Variants in SEMA3A observed in about 807,000 individuals in gnomAD.
SEMA3A encodes semaphorin-3A.
A neutral mutation model predicts 97.9 loss-of-function variants in SEMA3A; 29 were observed. The observed-to-expected ratio is 0.30, with a 90% CI of 0.22 to 0.40. The LOEUF (loss-of-function observed/expected upper bound fraction) is 0.40. SEMA3A is among the 10% of genes least tolerant of loss of function. SEMA3A has a pLI of 1.00. For synonymous variants in SEMA3A, 321 were observed against 323.7 expected (o/e 0.99, Z 0.09); for missense variants, 763 against 951.3 (o/e 0.80, Z 2.60).
At chr7:83,987,391 T>C (rs1485678872) in intron 12 of SEMA3A, among the ~76,000 whole-genome samples, 2 of 152,194 alleles carry the variant, frequency 1.3e-5, no homozygotes, top group Non-Finnish European at 2.9e-5. Context: ...CCATTCCTCA[T>C]TGGATGCTCT....
chr7:84,004,998 G>T lies in SEMA3A; in HGVS notation c.1360+341C>A, dbSNP rs568064806. 3.8e-3 allele frequency among the ~76,000 whole-genome samples: 581 copies of T among 152,144 alleles called. 2 individuals are homozygous for T. Among genetic ancestry groups the T allele is most frequent in the Middle Eastern group, 0.01 (3 of 294 alleles). ...GTAGCCTACTCAACAGGAAGACAAG[G>T]GTGATCCAGTTCCACTTAATGAACA... On this transcript the variant is annotated intron_variant, in intron 11 of 16. Transcript: ENST00000265362.
At chr7:84,420,720 G>C (rs1804566650) in intron 1 of SEMA3A, among the ~76,000 whole-genome samples, 1 of 152,044 alleles carries the variant, frequency 6.6e-6, no homozygotes, top group South Asian at 2.1e-4. Context: ...AGTCTTGGGA[G>C]GGTGTATGTG....
At chr7:84,311,063 A>T (rs1244373337) in intron 2 of SEMA3A, among the ~76,000 whole-genome samples, 1 of 151,716 alleles carries the variant, frequency 6.6e-6, no homozygotes, top group African/African-American at 2.4e-5. Flanking sequence ...ATGTACACTA[A>T]AATCATGCAA....
chr7:84,020,226 G>A (rs1791278432), intron 6 of SEMA3A, among the ~76,000 whole-genome samples: 1 of 150,972 alleles, frequency 6.6e-6, no homozygotes, highest in Admixed American at 6.6e-5. Flanking sequence ...TGTATTTTTA[G>A]TAGAGATAGG....
At chr7:84,093,924 T>TAA (rs34607045) in intron 4 of SEMA3A, among the ~76,000 whole-genome samples, 77 of 146,608 alleles carry the variant, frequency 5.3e-4, no homozygotes, top group African/African-American at 1.3e-3. Flanking sequence ...TCCTAGAACT[T>TAA]AAAAAAAAAA....
intron 1 of SEMA3A, among the ~76,000 whole-genome samples, chr7:84,478,795 A>G (rs1434069030): frequency 6.6e-6 from 1 of 152,062 alleles, no homozygotes; most frequent in African/African-American, 2.4e-5. Flanking sequence ...TCTTAAAATT[A>G]TTAGTTACTC....
intron 1 of SEMA3A, among the ~76,000 whole-genome samples, chr7:84,401,646 A>T (rs1803907445): frequency 1.3e-5 from 2 of 152,294 alleles, no homozygotes; most frequent in South Asian, 4.1e-4. Flanking sequence ...GCATGGTACC[A>T]GCATAAAAGC....
At chr7:84,472,845 A>G (rs1270456620) in intron 1 of SEMA3A, among the ~76,000 whole-genome samples, 2 of 152,208 alleles carry the variant, frequency 1.3e-5, no homozygotes, top group Middle Eastern at 3.2e-3. Context: ...AAAAGGAAAC[A>G]TTGACATTTA....
At position 83,981,494 on chromosome 7, in the gene SEMA3A, A is replaced by G. The variant is rs370307743; in HGVS notation, c.1495-16T>C. On this transcript the variant is annotated splice_polypyrimidine_tract_variant and intron_variant, in intron 13 of 16. Transcript: ENST00000265362. ...ATAGTTGTTGCTGTGGAAAGAGTTT[A>G]CTGCTGTGACAAAAACTATCTTGTC... The G allele has an allele frequency of 5.1e-6, 8 of 1,563,190 alleles. No individual in the cohort carries two copies. Among genetic ancestry groups the G allele is most frequent in the Non-Finnish European group, 6.9e-6 (8 of 1,155,568 alleles).
At chr7:84,263,198 A>G (rs1436946247) in intron 3 of SEMA3A, among the ~76,000 whole-genome samples, 1 of 151,400 alleles carries the variant, frequency 6.6e-6, no homozygotes, top group Non-Finnish European at 1.5e-5. Context: ...ATTCTAAAAT[A>G]CATTGCATTT....
At chr7:84,313,665 T>A (rs906467820) in intron 2 of SEMA3A, among the ~76,000 whole-genome samples, 1 of 151,776 alleles carries the variant, frequency 6.6e-6, no homozygotes, top group African/African-American at 2.4e-5. Flanking sequence ...TGATTTTAAA[T>A]ACTTATTTTT....
At chr7:84,185,102 A>G (rs535005212) in intron 1 of SEMA3A, among the ~76,000 whole-genome samples, 2 of 152,308 alleles carry the variant, frequency 1.3e-5, no homozygotes, top group South Asian at 4.1e-4. Flanking sequence ...AAAATTAGAA[A>G]AATAACGGTA....
At chr7:84,120,857 G>A (rs1252327584) in intron 3 of SEMA3A, among the ~76,000 whole-genome samples, 3 of 152,160 alleles carry the variant, frequency 2.0e-5, no homozygotes, top group Non-Finnish European at 4.4e-5. Flanking sequence ...GGGTTCAGAG[G>A]TAAAGGACTT....
intron 15 of SEMA3A, among the ~76,000 whole-genome samples, chr7:83,973,607 T>G (rs1221535724): frequency 6.6e-6 from 1 of 152,058 alleles, no homozygotes; most frequent in Non-Finnish European, 1.5e-5. Flanking sequence ...AATACTAAAT[T>G]TACAGTTCTA....
intron 1 of SEMA3A, among the ~76,000 whole-genome samples, chr7:84,168,979 C>CAG (rs1797302068): frequency 2.6e-5 from 4 of 151,550 alleles, no homozygotes; most frequent in African/African-American, 9.7e-5. Flanking sequence ...TTAATGTCAC[C>CAG]TGACATGCTT....
At chr7:84,070,812 T>C (rs1793712209) in intron 4 of SEMA3A, among the ~76,000 whole-genome samples, 1 of 151,986 alleles carries the variant, frequency 6.6e-6, no homozygotes, top group African/African-American at 2.4e-5. Context: ...AGCCTGAGGG[T>C]GACCTTCTTT....
intron 5 of SEMA3A, among the ~76,000 whole-genome samples, chr7:84,054,522 A>T (rs1056319960): frequency 4.6e-5 from 7 of 151,686 alleles, no homozygotes; most frequent in African/African-American, 1.7e-4. Context: ...TGCATTCTTC[A>T]TGTAGTTCTC....
chr7:84,044,668 G>T (rs141033058), intron 6 of SEMA3A, among the ~76,000 whole-genome samples: 212 of 152,068 alleles, frequency 1.4e-3, no homozygotes, highest in African/African-American at 4.6e-3. Context: ...GTAATTATTG[G>T]ATGAATGCCA....
chr7:84,400,112 G>A (rs1306085142), intron 1 of SEMA3A, among the ~76,000 whole-genome samples: 1 of 152,158 alleles, frequency 6.6e-6, no homozygotes, highest in Non-Finnish European at 1.5e-5. Flanking sequence ...GTGACCACAG[G>A]CTAACGGAAC....
Sources: allele counts gnomAD v4.1 joint callset (sites outside exome capture counted in the v4.1 genomes callset), GRCh38; gene constraint gnomAD v4.1.1; transcripts MANE v1.5; gene names NCBI Gene and HGNC (gene_info 2026-07-23, HGNC 2026-07-21).